UBE2E2: variants seen among roughly 807,000 people sequenced by gnomAD.
UBE2E2 encodes the protein ubiquitin conjugating enzyme E2 E2, also known as ubiquitin-conjugating enzyme E2 E2.
In UBE2E2, 6 loss-of-function variants were observed where a neutral mutation model predicts 24.7. The observed-to-expected ratio is 0.24, with a 90% CI of 0.13 to 0.48. The LOEUF (loss-of-function observed/expected upper bound fraction) is 0.48. Among genes scored for constraint, UBE2E2 ranks in the 20% least tolerant of loss-of-function variants. UBE2E2 has a pLI of 0.99. For missense variants in UBE2E2, 169 were observed against 245.0 expected (o/e 0.69, Z 2.07); for synonymous variants, 104 against 83.6 (o/e 1.24, Z -1.33).
chr3:23,286,522 T>C (rs1053471880), intron 3 of UBE2E2, among the ~76,000 whole-genome samples: 1 of 152,206 alleles, frequency 6.6e-6, no homozygotes, highest in African/African-American at 2.4e-5. Context: ...CTGTTTTTTA[T>C]ACCAGTTCAA....
At chr3:23,576,924 T>G (rs1433207390) in intron 5 of UBE2E2, among the ~76,000 whole-genome samples, 1 of 151,884 alleles carries the variant, frequency 6.6e-6, no homozygotes, top group Non-Finnish European at 1.5e-5. Flanking sequence ...TGTTATTGTT[T>G]TTTTTTTTTA....
intron 3 of UBE2E2, among the ~76,000 whole-genome samples, chr3:23,359,018 G>C (rs1696041090): frequency 6.6e-6 from 1 of 152,152 alleles, no homozygotes; most frequent in African/African-American, 2.4e-5. Context: ...ATTTGGAATG[G>C]GAGTGGCAGA....
In UBE2E2 at chr3:23,579,328, T is replaced by A. The variant is rs186752278; in HGVS notation, c.509-10406T>A. ...TGAACCCAGGAGGTGGAGCTTGCAGTGAGCCAAGATCGTGCCACTACACTC... is the reference window on the plus strand; with the variant it reads ...TGAACCCAGGAGGTGGAGCTTGCAGAGAGCCAAGATCGTGCCACTACACTC... On this transcript the variant is annotated intron_variant, in intron 5 of 5. Transcript: ENST00000396703. 6.0e-4 allele frequency among the ~76,000 whole-genome samples: 89 copies of A among 147,418 alleles called. 5 individuals carry two copies. In the East Asian group the frequency reaches 0.014, roughly 24 times the overall value.
At chr3:23,330,672 G>A (rs1478304875) in intron 3 of UBE2E2, among the ~76,000 whole-genome samples, 2 of 152,138 alleles carry the variant, frequency 1.3e-5, no homozygotes, top group African/African-American at 4.8e-5. Flanking sequence ...CATCAAGATT[G>A]GACTAGAAAA....
intron 3 of UBE2E2, among the ~76,000 whole-genome samples, chr3:23,273,403 C>T (rs371708946): frequency 3.9e-5 from 6 of 152,086 alleles, no homozygotes; most frequent in Non-Finnish European, 7.4e-5. Flanking sequence ...TGATGGCGGA[C>T]GCCTGTAGTC....
At chr3:23,310,820 A>T (rs1469854613) in intron 3 of UBE2E2, among the ~76,000 whole-genome samples, 1 of 152,194 alleles carries the variant, frequency 6.6e-6, no homozygotes, top group East Asian at 1.9e-4. Flanking sequence ...ATCACTAAGG[A>T]TAAGATAATA....
At chr3:23,523,568 G>A (rs906177877) in intron 4 of UBE2E2, among the ~76,000 whole-genome samples, 2 of 125,968 alleles carry the variant, frequency 1.6e-5, no homozygotes, top group African/African-American at 3.0e-5. Flanking sequence ...TTTAATTTCA[G>A]TTCCTTCACT....
At chr3:23,540,736 A>T (rs373631822) in intron 5 of UBE2E2, among the ~76,000 whole-genome samples, 11 of 152,144 alleles carry the variant, frequency 7.2e-5, no homozygotes, top group African/African-American at 2.4e-4. Context: ...AGAGAGAGAG[A>T]TGAAACCTCA....
chr3:23,494,990 G>A (rs1575666197), intron 3 of UBE2E2, among the ~76,000 whole-genome samples: 2 of 152,034 alleles, frequency 1.3e-5, no homozygotes, highest in African/African-American at 4.8e-5. Context: ...GGCCAGGCTG[G>A]TCTCAAACTC....
rs1695026757 is a variant in UBE2E2, at chr3:23,330,348, T to C, written c.227+113036T>C. Among the ~76,000 whole-genome samples, 4 of 152,356 alleles carry C rather than the reference T, an allele frequency of 2.6e-5. No homozygotes were observed. In the South Asian group the frequency reaches 8.3e-4, roughly 32 times the overall value. On this transcript the variant is annotated intron_variant, in intron 3 of 5. Transcript: ENST00000396703. ...TAAAGACTTTGAAAGAGCTCTTCTC[T>C]TATTTTATTGTATGGAAGTAAACAT...
intron 3 of UBE2E2, among the ~76,000 whole-genome samples, chr3:23,402,276 A>G (rs1697245170): frequency 6.6e-6 from 1 of 152,224 alleles, no homozygotes; most frequent in Non-Finnish European, 1.5e-5. Context: ...ACATTATGAA[A>G]CAACTTCCAC....
chr3:23,364,805 CAG>C (rs1696213367), intron 3 of UBE2E2, among the ~76,000 whole-genome samples: 1 of 152,180 alleles, frequency 6.6e-6, no homozygotes. Flanking sequence ...CAAAACCTGG[CAG>C]AGACACAACA....
At chr3:23,502,358 A>G (rs981882144) in intron 4 of UBE2E2, among the ~76,000 whole-genome samples, 5 of 152,086 alleles carry the variant, frequency 3.3e-5, no homozygotes, top group Non-Finnish European at 7.3e-5. Flanking sequence ...ATGCTTATAA[A>G]TACATCTGAT....
At chr3:23,343,106 A>G (rs893307631) in intron 3 of UBE2E2, among the ~76,000 whole-genome samples, 13 of 151,670 alleles carry the variant, frequency 8.6e-5, no homozygotes, top group African/African-American at 3.1e-4. Flanking sequence ...GTATGTATAT[A>G]TATATGTGAA....
chr3:23,417,893 C>T (rs1430250929), intron 3 of UBE2E2, among the ~76,000 whole-genome samples: 2 of 152,148 alleles, frequency 1.3e-5, no homozygotes, highest in Non-Finnish European at 2.9e-5. Context: ...TCAATAATGG[C>T]GGGTGTCCCT....
At chr3:23,439,316 G>A (rs1292190145) in intron 3 of UBE2E2, among the ~76,000 whole-genome samples, 2 of 152,194 alleles carry the variant, frequency 1.3e-5, no homozygotes, top group Non-Finnish European at 2.9e-5. Flanking sequence ...AGGGTTACTG[G>A]CAGATGCCAG....
chr3:23,499,457 A>T, intron 3 of UBE2E2, 151 bp from the exon 4 acceptor site: 1 of 939,490 alleles, frequency 1.1e-6, no homozygotes, highest in Non-Finnish European at 1.5e-6. Flanking sequence ...GATAATGACA[A>T]TATTGGCAAT....
intron 3 of UBE2E2, among the ~76,000 whole-genome samples, chr3:23,244,788 T>C (rs1485902850): frequency 6.6e-6 from 1 of 152,138 alleles, no homozygotes; most frequent in Non-Finnish European, 1.5e-5. Flanking sequence ...TGGAGAAATG[T>C]TTTGTATACT....
In UBE2E2 at chr3:23,374,777, G is replaced by A. The variant is rs893391065; in HGVS notation, c.228-124831G>A. ...GGGAGTGCTGAATTAAATTATTTTC[G>A]GCCATTTATAATTCTAATATTTTGT... On this transcript the variant is annotated intron_variant, in intron 3 of 5. Coordinates refer to ENST00000396703, the MANE Select transcript of UBE2E2 (RefSeq NM_152653.4). Among the ~76,000 whole-genome samples the A allele has an allele frequency of 2.0e-4, 31 of 152,040 alleles. 1 individual carries two copies. Among genetic ancestry groups the A allele is most frequent in the Admixed American group, 6.6e-4 (10 of 15,254 alleles).
Sources: allele counts gnomAD v4.1 joint callset (sites outside exome capture counted in the v4.1 genomes callset), GRCh38; gene constraint gnomAD v4.1.1; transcripts MANE v1.5; gene names NCBI Gene and HGNC (gene_info 2026-07-23, HGNC 2026-07-21).